SENP6: variants seen among roughly 807,000 people sequenced by gnomAD.
SENP6 encodes sentrin-specific protease 6.
Under a neutral mutation model 134.5 loss-of-function variants are expected in SENP6, and 41 were observed. That is an observed-to-expected ratio of 0.30 (90% confidence interval 0.24 to 0.40). The LOEUF (loss-of-function observed/expected upper bound fraction) is 0.40. Ranked by LOEUF, SENP6 falls within the 10% of genes least tolerant of loss-of-function variation. SENP6 has a pLI of 1.00. For synonymous variants in SENP6, 395 were observed against 429.8 expected, an observed-to-expected ratio of 0.92 and a Z score of 1.00; for missense variants, 1,248 against 1,312.5, an observed-to-expected ratio of 0.95 and a Z score of 0.76.
Position 75,716,134 on chromosome 6 carries a change from T to TTG in SENP6, c.*544_*545dup, listed in dbSNP as rs1190972009. On this transcript the variant is annotated 3_prime_UTR_variant, in exon 24 of 24. Transcript: ENST00000447266. ...ACAGCCTTTCAATTCATATACTGCC[T>TTG]TGTGTTCAGTGAACCCAAGAAATGT... 7 of 152,078 alleles carry TTG rather than the reference T, an allele frequency of 4.6e-5. No homozygotes were observed. Among genetic ancestry groups the TTG allele is most frequent in the African/African-American group, 1.7e-4 (7 of 41,454 alleles). 9.4% of individuals were successfully genotyped at this position (152,078 alleles called of 1,614,324 possible).
At chr6:75,711,277 A>T in intron 20 of SENP6, 51 bp from the exon 21 acceptor site, 1 of 1,293,652 alleles carries the variant, frequency 7.7e-7, no homozygotes. Flanking sequence ...TTAGGTTATT[A>T]GTTATTTAGA....
rs1466358060 is a variant in SENP6 at position 75,716,816 on chromosome 6, A to G, written c.*1222A>G. 2.6e-5 allele frequency: 4 copies of G among 152,024 alleles called. No individual in the cohort carries two copies. The highest frequency in any genetic ancestry group is 9.6e-5 in the African/African-American group (4 of 41,452). The allele number at this position is 152,024 out of a possible 1,614,324, so 9.4% of individuals were successfully genotyped here. On this transcript the variant is annotated 3_prime_UTR_variant, in exon 24 of 24. Coordinates refer to ENST00000447266, the MANE Select transcript of SENP6 (RefSeq NM_015571.4). ...ATTTTTAAATACACATATATCAAAA[A>G]TAGTTGAGAATAAAAAGAAAGCCTA...
intron 5 of SENP6, among the ~76,000 whole-genome samples, chr6:75,637,497 G>A (rs1422371633): frequency 6.6e-6 from 1 of 152,110 alleles, no homozygotes; most frequent in East Asian, 1.9e-4. Context: ...CACTAATAGT[G>A]ATAGAGAAGT....
At chr6:75,614,024 G>C (rs1041232061) in intron 1 of SENP6, among the ~76,000 whole-genome samples, 2 of 152,072 alleles carry the variant, frequency 1.3e-5, no homozygotes, top group African/African-American at 4.8e-5. Flanking sequence ...AAGAAAACAG[G>C]GTGGTTATTT....
chr6:75,622,833 T>A, intron 2 of SENP6: 1 of 1,287,598 alleles, frequency 7.8e-7, no homozygotes. Flanking sequence ...GATTTGAAGT[T>A]TTATTTGAAG....
intron 9 of SENP6, among the ~76,000 whole-genome samples, chr6:75,664,576 T>C (rs138323292): frequency 5.9e-5 from 9 of 152,302 alleles, no homozygotes; most frequent in African/African-American, 2.2e-4. Context: ...ATGCTATATA[T>C]GTAAATCTGT....
chr6:75,699,005 C>A, intron 18 of SENP6, among the ~76,000 whole-genome samples: 1 of 140,416 alleles, frequency 7.1e-6, no homozygotes. Flanking sequence ...AGTGAGACTC[C>A]ATCTCAAAAA....
intron 18 of SENP6, among the ~76,000 whole-genome samples, chr6:75,701,928 C>A (rs1300689735): frequency 1.3e-5 from 2 of 152,068 alleles, no homozygotes; most frequent in African/African-American, 4.8e-5. Flanking sequence ...GCGTGAGCCA[C>A]CGCACCTGGC....
At chr6:75,666,086 C>CATATATGATATATATAAAAT (rs1772185022) in intron 9 of SENP6, among the ~76,000 whole-genome samples, 1 of 142,714 alleles carries the variant, frequency 7.0e-6, no homozygotes, top group Non-Finnish European at 1.5e-5. Flanking sequence ...ATATATAAAA[C>CATATATGATATATATAAAAT]GTATATATGA....
intron 6 of SENP6, among the ~76,000 whole-genome samples, chr6:75,644,605 C>T (rs1444526581): frequency 6.6e-6 from 1 of 152,150 alleles, no homozygotes; most frequent in African/African-American, 2.4e-5. Flanking sequence ...GTGCCTCAGC[C>T]TCCTGAGTAG....
intron 9 of SENP6, among the ~76,000 whole-genome samples, chr6:75,666,308 C>T (rs563956066): frequency 5.4e-5 from 8 of 147,928 alleles, no homozygotes; most frequent in African/African-American, 1.5e-4. Context: ...TGGAGTTTCA[C>T]ACATATTTAC....
At chr6:75,624,014 T>TA in intron 3 of SENP6, 54 bp downstream of exon 3, 8 of 1,388,552 alleles carry the variant, frequency 5.8e-6, no homozygotes, top group Non-Finnish European at 8.0e-6. Context: ...AAAAAATTGT[T>TA]ACCTCAAAAG....
chr6:75,673,633 C>T (rs981292250), intron 11 of SENP6, among the ~76,000 whole-genome samples: 1 of 151,946 alleles, frequency 6.6e-6, no homozygotes, highest in Admixed American at 6.6e-5. Context: ...CCAGTGTCTA[C>T]TTATAATATT....
intron 16 of SENP6, among the ~76,000 whole-genome samples, chr6:75,691,035 G>A (rs570368355): frequency 2.1e-4 from 31 of 149,676 alleles, no homozygotes; most frequent in African/African-American, 7.4e-4. Context: ...AATAGAGGCA[G>A]GATCTCCCTG....
intron 17 of SENP6, among the ~76,000 whole-genome samples, chr6:75,696,410 C>T (rs1774668304): frequency 6.6e-6 from 1 of 152,108 alleles, no homozygotes; most frequent in Admixed American, 6.6e-5. Flanking sequence ...AATCTATACT[C>T]TTAATAAGCT....
intron 10 of SENP6, among the ~76,000 whole-genome samples, chr6:75,667,444 A>C (rs1356917437): frequency 6.6e-6 from 1 of 152,230 alleles, no homozygotes; most frequent in Non-Finnish European, 1.5e-5. Context: ...GGATAAAAAC[A>C]AAATGAACAA....
At chr6:75,640,511 G>A (rs541664027) in intron 5 of SENP6, among the ~76,000 whole-genome samples, 173 bp from the exon 6 acceptor site, 26 of 151,750 alleles carry the variant, frequency 1.7e-4, no homozygotes, top group African/African-American at 4.6e-4. Context: ...GACAGAAATC[G>A]AAAAACAATT....
intron 19 of SENP6, among the ~76,000 whole-genome samples, chr6:75,705,361 G>A (rs1205386616): frequency 1.3e-5 from 2 of 151,908 alleles, no homozygotes; most frequent in East Asian, 3.9e-4. Flanking sequence ...CCTGACCAAC[G>A]TGGTAAAACC....
intron 19 of SENP6, among the ~76,000 whole-genome samples, chr6:75,707,365 T>C (rs1199782993): frequency 1.5e-5 from 2 of 134,588 alleles, no homozygotes; most frequent in African/African-American, 5.6e-5. Context: ...CTTTTTTTTT[T>C]TTTTTTTTTT....
Sources: allele counts gnomAD v4.1 joint callset (sites outside exome capture counted in the v4.1 genomes callset), GRCh38; gene constraint gnomAD v4.1.1; transcripts MANE v1.5; gene names NCBI Gene and HGNC (gene_info 2026-07-23, HGNC 2026-07-21).